Variants in DTNA observed in about 807,000 individuals in gnomAD.
The protein encoded by DTNA is dystrophin-related protein 3.
In DTNA, 43 loss-of-function variants were observed where a neutral mutation model predicts 100.7. That is an observed-to-expected ratio of 0.43 (90% CI 0.33 to 0.55). DTNA has a LOEUF of 0.55. Among genes scored for constraint, DTNA ranks in the 20% least tolerant of loss-of-function variants. DTNA has a pLI of 0.04. For synonymous variants in DTNA, 349 were observed against 347.9 expected (o/e 1.00, Z -0.04); for missense variants, 798 against 953.9 (o/e 0.84, Z 2.15).
At chr18:34,504,235 A>T (rs2040256796) in intron 1 of DTNA, 1 of 151,032 alleles carries the variant, frequency 6.6e-6, no homozygotes, top group Admixed American at 6.6e-5. Flanking sequence ...ATCACTGGCT[A>T]CTCCCATTGT....
intron 3 of DTNA, among the ~76,000 whole-genome samples, chr18:34,782,683 T>A (rs4799781): frequency 0.98 from 149,928 of 152,282 alleles, 73,838 homozygotes; most frequent in East Asian, 1. Context: ...CTGGAATTTA[T>A]GAAGTCCAGT....
intron 3 of DTNA, among the ~76,000 whole-genome samples, chr18:34,768,787 T>C (rs1360051263): frequency 1.3e-5 from 2 of 152,182 alleles, no homozygotes; most frequent in Non-Finnish European, 2.9e-5. Flanking sequence ...GTACCAAGGA[T>C]AGTGTGATGA....
intron 1 of DTNA, among the ~76,000 whole-genome samples, chr18:34,607,759 T>A (rs1439127): frequency 0.12 from 18,102 of 152,182 alleles, 1,361 homozygotes; most frequent in South Asian, 0.22. Flanking sequence ...CACTCAAAGT[T>A]CTGGGTTTTG....
intron 17 of DTNA, among the ~76,000 whole-genome samples, chr18:34,873,313 C>T (rs910848932): frequency 6.6e-6 from 1 of 152,206 alleles, no homozygotes; most frequent in African/African-American, 2.4e-5. Flanking sequence ...ACCACTCTGT[C>T]CAACTTCCCT....
intron 1 of DTNA, chr18:34,679,343 T>C (rs2077784224): frequency 6.6e-6 from 1 of 152,184 alleles, no homozygotes; most frequent in African/African-American, 2.4e-5. Context: ...ACGTTATTAA[T>C]AGAGGATAAG....
chr18:34,838,525 C>T (rs2096202785), intron 12 of DTNA, among the ~76,000 whole-genome samples: 2 of 152,136 alleles, frequency 1.3e-5, no homozygotes, highest in Admixed American at 6.6e-5. Flanking sequence ...CTTTATTTAA[C>T]CTAAATGGAA....
intron 1 of DTNA, among the ~76,000 whole-genome samples, chr18:34,622,921 GT>G (rs1278390161): frequency 2.0e-5 from 3 of 152,114 alleles, no homozygotes; most frequent in Non-Finnish European, 1.5e-5. Context: ...ATGCCGGTTT[GT>G]TTAATAAATC....
chr18:34,816,129 A>G, intron 7 of DTNA, 115 bp downstream of exon 7: 1 of 1,054,244 alleles, frequency 9.5e-7, no homozygotes, highest in Non-Finnish European at 1.5e-6. Context: ...AGTGGCTCTT[A>G]GTTTTGTTTA....
At chr18:34,584,575 A>C (rs901534185) in intron 1 of DTNA, among the ~76,000 whole-genome samples, 1 of 152,218 alleles carries the variant, frequency 6.6e-6, no homozygotes, top group Admixed American at 6.5e-5. Flanking sequence ...AGAAAAGATA[A>C]TAACGTTAGA....
At chr18:34,788,472 G>A (rs568493865) in intron 3 of DTNA, among the ~76,000 whole-genome samples, 1 of 152,166 alleles carries the variant, frequency 6.6e-6, no homozygotes, top group East Asian at 1.9e-4. Flanking sequence ...CATTTTACAG[G>A]CGAGGAAACT....
chr18:34,708,940 T>A (rs539498977), upstream of DTNA, among the ~76,000 whole-genome samples: 29 of 152,278 alleles, frequency 1.9e-4, no homozygotes, highest in South Asian at 6.0e-3. Context: ...CTATCCAAGA[T>A]CACAAAAGTA....
chr18:34,804,221 C>T (rs72963017), intron 4 of DTNA, among the ~76,000 whole-genome samples: 18,884 of 152,048 alleles, frequency 0.12, 1,284 homozygotes, highest in African/African-American at 0.17. Context: ...GGCCAGGAGG[C>T]GTTGAACAGT....
At chr18:34,632,937 G>A (rs1180930922) in intron 1 of DTNA, among the ~76,000 whole-genome samples, 2 of 151,796 alleles carry the variant, frequency 1.3e-5, no homozygotes, top group East Asian at 3.9e-4. Context: ...ATTCTTTGTG[G>A]TGCTATTATT....
intron 18 of DTNA, among the ~76,000 whole-genome samples, chr18:34,875,982 T>C (rs1055022627): frequency 1.3e-5 from 2 of 152,310 alleles, no homozygotes; most frequent in Admixed American, 1.3e-4. Context: ...AATTTAGAAA[T>C]ATTTTTAACA....
chr18:34,681,799 C>T (rs1159409908), intron 1 of DTNA, among the ~76,000 whole-genome samples: 1 of 151,888 alleles, frequency 6.6e-6, no homozygotes, highest in East Asian at 1.9e-4. Flanking sequence ...AATGAACCTA[C>T]ATTAACCCAT....
In DTNA at chr18:34,772,714, TA is replaced by T. The variant is rs1367537569; in HGVS notation, c.148+6679del. On this transcript the variant is annotated intron_variant, in intron 3 of 22. Coordinates refer to ENST00000444659, the MANE Select transcript of DTNA (RefSeq NM_001386795.1). ...GCCACTATGAATTTTCTATTCTTGG[TA>T]AAAAATTACCATAAATTTAGCAGCT... 5.9e-5 allele frequency among the ~76,000 whole-genome samples: 9 copies of T among 152,340 alleles called. No homozygotes were observed. The East Asian group carries it at 1.7e-3, about 29-fold the overall frequency.
chr18:34,613,311 A>G (rs558353599), intron 1 of DTNA, among the ~76,000 whole-genome samples: 11 of 152,306 alleles, frequency 7.2e-5, no homozygotes, highest in Admixed American at 7.2e-4. Context: ...GAGACACAGT[A>G]ATGTTGAAAT....
At chr18:34,593,489 AT>A (rs2049970337) in intron 1 of DTNA, 1 of 152,172 alleles carries the variant, frequency 6.6e-6, no homozygotes, top group African/African-American at 2.4e-5. Flanking sequence ...TATGTTCTGG[AT>A]GTACTGGAAT....
chr18:34,546,542 A>G (rs545576448), intron 1 of DTNA, among the ~76,000 whole-genome samples: 94 of 152,232 alleles, frequency 6.2e-4, no homozygotes, highest in African/African-American at 2.1e-3. Flanking sequence ...CAAATTAGTC[A>G]CATAGGTTCA....
Sources: allele counts gnomAD v4.1 joint callset (sites outside exome capture counted in the v4.1 genomes callset), GRCh38; gene constraint gnomAD v4.1.1; transcripts MANE v1.5; gene names NCBI Gene and HGNC (gene_info 2026-07-23, HGNC 2026-07-21).